Variants in ADAMTS2 observed in about 807,000 individuals in gnomAD.
ADAMTS2 encodes the protein ADAM metallopeptidase with thrombospondin type 1 motif 2.
ADAMTS2 carries 50 observed loss-of-function variants against 123.0 expected under a neutral mutation model. The observed-to-expected ratio is 0.41, with a 90% confidence interval of 0.32 to 0.51. The LOEUF is 0.51. Among genes scored for constraint, ADAMTS2 ranks in the 20% least tolerant of loss-of-function variants. The probability of loss-of-function intolerance (pLI) is 0.35; values close to 1 mark genes in which losing one functional copy is unlikely to be tolerated. For synonymous variants in ADAMTS2, 678 were observed against 695.4 expected, an observed-to-expected ratio of 0.98 and a Z score of 0.39; for missense variants, 1,494 against 1,705.2, an observed-to-expected ratio of 0.88 and a Z score of 2.18.
Position 179,189,192 on chromosome 5 carries a change from G to A in ADAMTS2, c.892-8037C>T, listed in dbSNP as rs548283748. ...AGCAACAATGAAAATTATCACGTGC[G>A]TCCATGTGAAGAGATCACCAAACAG... On this transcript the variant is annotated intron_variant, in intron 4 of 21. Coordinates refer to ENST00000251582, the MANE Select transcript of ADAMTS2 (RefSeq NM_014244.5). The surrounding 1 kb of genome is among the most constrained non-coding windows in gnomAD (Gnocchi z 4.2). Among the ~76,000 whole-genome samples the A allele has an allele frequency of 5.9e-5, 9 of 152,222 alleles. No homozygotes were observed. The highest frequency in any genetic ancestry group is 2.1e-4 in the South Asian group (1 of 4,816).
intron 2 of ADAMTS2, among the ~76,000 whole-genome samples, chr5:179,334,036 G>A (rs1411609840): frequency 1.3e-5 from 2 of 152,226 alleles, no homozygotes; most frequent in Non-Finnish European, 2.9e-5. Flanking sequence ...GGCAAAGTCC[G>A]CTGTTAAGAC....
intron 21 of ADAMTS2, 130 bp downstream of exon 21, chr5:179,121,531 C>G: frequency 1.5e-6 from 1 of 658,982 alleles, no homozygotes; most frequent in Non-Finnish European, 2.4e-6. Context: ...AGAAAACGGT[C>G]ACCCCAGAGC....
At chr5:179,268,160 T>C (rs947569430) in intron 3 of ADAMTS2, among the ~76,000 whole-genome samples, 5 of 152,156 alleles carry the variant, frequency 3.3e-5, no homozygotes, top group South Asian at 2.1e-4. Flanking sequence ...TTCTACCAAA[T>C]TGAGGTCAAG....
chr5:179,137,753 T>G lies in ADAMTS2; in HGVS notation c.1951+16A>C. On this transcript the variant is annotated intron_variant, in intron 12 of 21. Transcript: ENST00000251582. The stretch of plus-strand genomic sequence containing the variant: ...TGCCTGCTGAGCCCCCACTGATGCC[T>G]CCCAGAAGGGCTCACCATCCCGGTG... The G allele has an allele frequency of 7.6e-7, 1 of 1,318,014 alleles. No individual in the cohort carries two copies. Among genetic ancestry groups the G allele is most frequent in the African/African-American group, 1.5e-5 (1 of 66,158 alleles). The allele number at this position is 1,318,014 out of a possible 1,614,324, so 81.6% of individuals were successfully genotyped here. A position where few individuals can be genotyped will look rare whatever the true frequency, so the allele number is the denominator to read the frequency against.
At chr5:179,156,686 C>G (rs2113259167) in intron 6 of ADAMTS2, among the ~76,000 whole-genome samples, 1 of 152,240 alleles carries the variant, frequency 6.6e-6, no homozygotes, top group African/African-American at 2.4e-5. Flanking sequence ...CTTCCCCCAT[C>G]CTATCCATAA....
chr5:179,343,734 GGAGA>G, intron 2 of ADAMTS2, 29 bp downstream of exon 2: 1 of 1,601,630 alleles, frequency 6.2e-7, no homozygotes, highest in East Asian at 2.2e-5. Flanking sequence ...CGAGAGCAGC[GGAGA>G]GAAAGGAGCT....
At chr5:179,208,976 T>C (rs912389420) in intron 3 of ADAMTS2, among the ~76,000 whole-genome samples, 3 of 151,330 alleles carry the variant, frequency 2.0e-5, no homozygotes, top group African/African-American at 7.3e-5. Flanking sequence ...CTACAAAGAG[T>C]CTTCCAGAAC....
chr5:179,259,196 C>T (rs1766148232), intron 3 of ADAMTS2, among the ~76,000 whole-genome samples: 1 of 152,208 alleles, frequency 6.6e-6, no homozygotes, highest in African/African-American at 2.4e-5. Context: ...CCGTCCTCAC[C>T]CCTCAGGTAC....
chr5:179,213,147 G>T (rs559434934), intron 3 of ADAMTS2, among the ~76,000 whole-genome samples: 1 of 152,096 alleles, frequency 6.6e-6, no homozygotes, highest in Non-Finnish European at 1.5e-5. Context: ...TCAGTGACAC[G>T]GCCGACTGCT....
At chr5:179,237,249 G>A (rs1765549785) in intron 3 of ADAMTS2, among the ~76,000 whole-genome samples, 1 of 152,186 alleles carries the variant, frequency 6.6e-6, no homozygotes, top group Admixed American at 6.5e-5. Flanking sequence ...GGTGATGAGT[G>A]AGACTCTGTC....
chr5:179,125,988 G>T lies in ADAMTS2; in HGVS notation c.2750+10C>A, dbSNP rs1045751866. 2.5e-6 allele frequency: 4 copies of T among 1,613,382 alleles called. No individual in the cohort carries two copies. Among genetic ancestry groups the T allele is most frequent in the Non-Finnish European group, 3.4e-6 (4 of 1,180,006 alleles). ...CTCCTCTAGTGGGAGCCCGAGCTGG[G>T]GGCACTCACACTGGCTGGGAGCATT... On this transcript the variant is annotated intron_variant, in intron 18 of 21. Coordinates refer to ENST00000251582, the MANE Select transcript of ADAMTS2 (RefSeq NM_014244.5).
intron 2 of ADAMTS2, among the ~76,000 whole-genome samples, chr5:179,278,960 T>C (rs951652769): frequency 3.3e-5 from 5 of 151,594 alleles, no homozygotes; most frequent in African/African-American, 1.2e-4. Flanking sequence ...AGCTCTCCTC[T>C]ATTACTCTGA....
intron 2 of ADAMTS2, among the ~76,000 whole-genome samples, chr5:179,275,778 C>T (rs752032002): frequency 1.3e-5 from 2 of 152,356 alleles, no homozygotes; most frequent in African/African-American, 2.4e-5. Flanking sequence ...CGACTTCGGA[C>T]GTCCGGCCTC....
chr5:179,262,796 G>A lies in ADAMTS2; in HGVS notation c.688+10115C>T, dbSNP rs778260913. Reference sequence around the variant, plus strand: ...CACCAGGTCTCCCCTGCGGGGCTGTGAGCCCAGAGAACAGGGACTCGATCG... The same window carrying A: ...CACCAGGTCTCCCCTGCGGGGCTGTAAGCCCAGAGAACAGGGACTCGATCG... On this transcript the variant is annotated intron_variant, in intron 3 of 21. Coordinates refer to ENST00000251582, the MANE Select transcript of ADAMTS2 (RefSeq NM_014244.5). This position sits in a 1 kb window ranked among gnomAD's most constrained non-coding sequence, Gnocchi z 5.9. 6.6e-6 allele frequency among the ~76,000 whole-genome samples: 1 copy of A among 152,370 alleles called. No individual in the cohort carries two copies. The highest frequency in any genetic ancestry group is 6.5e-5 in the Admixed American group (1 of 15,310).
rs1763537346 is a variant in ADAMTS2 at position 179,158,873 on chromosome 5, T to C, written c.982A>G (p.Ser328Gly). ...IILLSYGKSM[S>G]LIEIGNPSQS... ...GAGGGGTTCCCGATCTCGATGAGGC[T>C]CATGGACTGCAGGGGGATGGAGAGA... Residue 328 changes from serine to glycine, a missense_variant, in exon 6 of 22, where the codon AGC becomes GGC. Transcript: ENST00000251582. This position sits in a 1 kb window ranked among gnomAD's most constrained non-coding sequence, Gnocchi z 5.0. 6.2e-7 allele frequency: 1 copy of C among 1,613,914 alleles called. No homozygotes were observed. The highest frequency in any genetic ancestry group is 8.5e-7 in the Non-Finnish European group (1 of 1,180,038).
intron 2 of ADAMTS2, among the ~76,000 whole-genome samples, chr5:179,335,444 T>C (rs1208029652): frequency 6.6e-6 from 1 of 152,226 alleles, no homozygotes; most frequent in African/African-American, 2.4e-5. Context: ...CTTGTGTGGC[T>C]TATAGCTACT....
chr5:179,214,896 A>C (rs1407577601), intron 3 of ADAMTS2, among the ~76,000 whole-genome samples: 2 of 151,952 alleles, frequency 1.3e-5, no homozygotes, highest in East Asian at 3.9e-4. Context: ...TCTGTCAAAT[A>C]ATCTCCGTCG....
rs140971127 is a variant in ADAMTS2, at chr5:179,256,939, G to A, written c.688+15972C>T. 2.0e-5 allele frequency among the ~76,000 whole-genome samples: 3 copies of A among 152,384 alleles called. No homozygotes were observed. In the East Asian group the frequency reaches 5.8e-4, roughly 29 times the overall value. On this transcript the variant is annotated intron_variant, in intron 3 of 21. Coordinates refer to ENST00000251582, the MANE Select transcript of ADAMTS2 (RefSeq NM_014244.5). The surrounding 1 kb of genome is among the most constrained non-coding windows in gnomAD (Gnocchi z 4.1). Reference sequence around the variant, plus strand: ...CCAGCACCCCGATGTACATACAGACGAGAAGACTGAGGTCAGGCCAGAGCA... The same window carrying A: ...CCAGCACCCCGATGTACATACAGACAAGAAGACTGAGGTCAGGCCAGAGCA...
intron 9 of ADAMTS2, among the ~76,000 whole-genome samples, chr5:179,152,925 C>A (rs1008897810): frequency 2.6e-5 from 4 of 152,122 alleles, no homozygotes; most frequent in African/African-American, 9.7e-5. Context: ...TCTGTTTCCT[C>A]ATCTGTAAAA....
Sources: allele counts gnomAD v4.1 joint callset (sites outside exome capture counted in the v4.1 genomes callset), GRCh38; gene constraint gnomAD v4.1.1; non-coding constraint Gnocchi (gnomAD v3.1); transcripts MANE v1.5; gene names NCBI Gene and HGNC (gene_info 2026-07-23, HGNC 2026-07-21).